Variants in PRKCE observed in about 807,000 individuals in gnomAD.
PRKCE encodes protein kinase C epsilon type.
PRKCE carries 16 observed loss-of-function variants against 85.4 expected under a neutral mutation model. The ratio of observed to expected loss-of-function variants is 0.19; its 90% CI spans 0.13 to 0.28. PRKCE has a LOEUF of 0.28. Ranked by LOEUF, PRKCE falls within the 10% of genes least tolerant of loss-of-function variation. The pLI is 1.00. For missense variants in PRKCE, 573 were observed against 975.2 expected (o/e 0.59, Z 5.49); for synonymous variants, 388 against 371.5 (o/e 1.04, Z -0.51).
chr2:46,062,947 T>C (rs1446080028), intron 10 of PRKCE, among the ~76,000 whole-genome samples: 4 of 152,204 alleles, frequency 2.6e-5, no homozygotes, highest in African/African-American at 7.2e-5. Flanking sequence ...TTAATGTAGG[T>C]TTTCCTACAC....
intron 6 of PRKCE, among the ~76,000 whole-genome samples, chr2:45,990,608 T>C (rs1703712905): frequency 6.6e-6 from 1 of 151,974 alleles, no homozygotes; most frequent in Non-Finnish European, 1.5e-5. Flanking sequence ...CTTCCTCTGC[T>C]TTTTTTTCTA....
intron 6 of PRKCE, among the ~76,000 whole-genome samples, chr2:45,985,716 TGACCA>T (rs763338880): frequency 2.6e-5 from 4 of 152,148 alleles, no homozygotes; most frequent in Non-Finnish European, 4.4e-5. Context: ...TTGGATGTAG[TGACCA>T]GAAGCAGCTG....
chr2:46,057,771 C>T (rs1364820461), intron 10 of PRKCE, among the ~76,000 whole-genome samples: 1 of 152,082 alleles, frequency 6.6e-6, no homozygotes, highest in African/African-American at 2.4e-5. Flanking sequence ...TTTTCTCAAG[C>T]ATTCAGGCGT....
intron 13 of PRKCE, among the ~76,000 whole-genome samples, chr2:46,151,858 C>A (rs1044221373): frequency 2.6e-5 from 4 of 152,242 alleles, no homozygotes; most frequent in African/African-American, 9.6e-5. Context: ...GCCATCTCTA[C>A]GATGTAACAA....
chr2:46,085,745 T>TTTG (rs1669561086), intron 10 of PRKCE, among the ~76,000 whole-genome samples: 1 of 13,750 alleles, frequency 7.3e-5, no homozygotes, highest in African/African-American at 1.9e-4. Context: ...CGTTTTTTTT[T>TTTG]TTTGTTTTTG....
At chr2:45,868,820 T>C (rs1029612834) in intron 2 of PRKCE, among the ~76,000 whole-genome samples, 10 of 150,074 alleles carry the variant, frequency 6.7e-5, no homozygotes, top group Non-Finnish European at 1.5e-4. Context: ...TAACCAGGCA[T>C]GGTGGTGCAT....
At chr2:45,945,120 G>C (rs1268790397) in intron 2 of PRKCE, among the ~76,000 whole-genome samples, 1 of 152,190 alleles carries the variant, frequency 6.6e-6, no homozygotes, top group Non-Finnish European at 1.5e-5. Context: ...TGTTCTGTGA[G>C]GATTTCAGTT....
chr2:45,900,119 C>T (rs747632905), intron 2 of PRKCE, among the ~76,000 whole-genome samples: 2 of 152,082 alleles, frequency 1.3e-5, no homozygotes, highest in Non-Finnish European at 2.9e-5. Flanking sequence ...CAGAAAATAA[C>T]AAGCGTTGAT....
intron 1 of PRKCE, among the ~76,000 whole-genome samples, chr2:45,782,456 C>A (rs1346431653): frequency 6.6e-6 from 1 of 152,114 alleles, no homozygotes; most frequent in East Asian, 1.9e-4. Context: ...GAGTCCCCAT[C>A]CCAGGTTATT....
At chr2:46,036,127 T>G (rs1707841430) in intron 10 of PRKCE, among the ~76,000 whole-genome samples, 1 of 151,958 alleles carries the variant, frequency 6.6e-6, no homozygotes, top group South Asian at 2.1e-4. Flanking sequence ...GCAGATCGAG[T>G]GGCCCGTGCA....
chr2:45,740,526 C>T (rs11691549), intron 1 of PRKCE, among the ~76,000 whole-genome samples: 7,553 of 152,206 alleles, frequency 0.05, 243 homozygotes, highest in Non-Finnish European at 0.075. Flanking sequence ...TCTTTAGGCC[C>T]CACTTGGACG....
chr2:46,076,487 G>A (rs907283804), intron 10 of PRKCE, among the ~76,000 whole-genome samples: 4 of 152,124 alleles, frequency 2.6e-5, no homozygotes, highest in Non-Finnish European at 5.9e-5. Context: ...GGCAGGAAAT[G>A]TTTATTTGAG....
At chr2:45,958,581 A>G (rs1701141409) in intron 2 of PRKCE, among the ~76,000 whole-genome samples, 1 of 149,918 alleles carries the variant, frequency 6.7e-6, no homozygotes, top group African/African-American at 2.4e-5. Context: ...TCCACCTGCC[A>G]GGGAGCACCC....
intron 1 of PRKCE, among the ~76,000 whole-genome samples, chr2:45,755,742 C>T (rs1043707621): frequency 6.6e-6 from 1 of 152,166 alleles, no homozygotes; most frequent in Non-Finnish European, 1.5e-5. Context: ...GTATGTATTA[C>T]CAGTGACTCA....
At chr2:45,796,807 G>A (rs1160443784) in intron 1 of PRKCE, among the ~76,000 whole-genome samples, 2 of 152,122 alleles carry the variant, frequency 1.3e-5, no homozygotes, top group Non-Finnish European at 2.9e-5. Context: ...TGTAGAGATG[G>A]GGGTCTCACT....
chr2:45,938,910 G>A (rs147808499), intron 2 of PRKCE, among the ~76,000 whole-genome samples: 6 of 152,112 alleles, frequency 3.9e-5, no homozygotes, highest in Non-Finnish European at 7.4e-5. Context: ...CACCTCATTC[G>A]TAACTCTTTC....
At chr2:46,049,030 C>G (rs1558393579) in intron 10 of PRKCE, among the ~76,000 whole-genome samples, 3 of 152,172 alleles carry the variant, frequency 2.0e-5, no homozygotes, top group African/African-American at 7.2e-5. Context: ...TAGTTAGGCT[C>G]TTCTCTGTAG....
At chr2:45,901,878 G>A (rs1312690693) in intron 2 of PRKCE, among the ~76,000 whole-genome samples, 5 of 152,236 alleles carry the variant, frequency 3.3e-5, no homozygotes, top group South Asian at 4.2e-4. Flanking sequence ...AGCCAGGTGC[G>A]GTAAAAGAGT....
chr2:46,035,161 A>C (rs545406931), intron 10 of PRKCE, among the ~76,000 whole-genome samples: 17 of 152,334 alleles, frequency 1.1e-4, no homozygotes, highest in Non-Finnish European at 1.6e-4. Flanking sequence ...AGCAGAGCAC[A>C]TTCCCAGCTT....
Sources: allele counts gnomAD v4.1 joint callset (sites outside exome capture counted in the v4.1 genomes callset), GRCh38; gene constraint gnomAD v4.1.1; transcripts MANE v1.5; gene names NCBI Gene and HGNC (gene_info 2026-07-23, HGNC 2026-07-21).